The following BTNL9 variants were observed in gnomAD, a reference collection of about 807,000 sequenced individuals.
BTNL9 encodes the protein butyrophilin-like protein 9.
Under a neutral mutation model 45.8 loss-of-function variants are expected in BTNL9, and 45 were observed. That is an observed-to-expected ratio of 0.98 (90% confidence interval 0.77 to 1.26). BTNL9 has a LOEUF of 1.26. BTNL9 is among the 50% of genes most tolerant of loss of function. BTNL9 has a pLI of 0.00. For synonymous variants in BTNL9, 346 were observed against 330.8 expected (o/e 1.05, Z -0.50); for missense variants, 784 against 729.7 (o/e 1.07, Z -0.86).
At chr5:181,052,209 T>G (rs1761576503) in intron 4 of BTNL9, among the ~76,000 whole-genome samples, 1 of 152,224 alleles carries the variant, frequency 6.6e-6, no homozygotes, top group Non-Finnish European at 1.5e-5. Flanking sequence ...TGATGTCACT[T>G]ATAAGCCAGA....
In BTNL9 at chr5:181,058,363, G is replaced by A. The variant is rs373558505; in HGVS notation, c.967G>A (p.Ala323Thr). 5 of 1,614,126 alleles carry A rather than the reference G, an allele frequency of 3.1e-6. No individual in the cohort carries two copies. Among genetic ancestry groups the A allele is most frequent in the South Asian group, 1.1e-5 (1 of 91,074 alleles). ...CTGTTTGGTTTCAGAGTGGAGAGCA[G>A]CCCAAAAATATGCAGGTAACTGAAG... Reference protein sequence around the residue: ...RAEGQAEWRAAQKYAVDVTLD... With the variant: ...RAEGQAEWRATQKYAVDVTLD... The change falls in exon 10 of 11, where the codon GCC becomes ACC. Residue 323 changes from alanine (A) to threonine (T), a missense_variant. Physicochemically the swap from Ala to Thr is moderately conservative, Grantham distance 58 (BLOSUM62 0). Coordinates refer to ENST00000327705, the MANE Select transcript of BTNL9 (RefSeq NM_152547.5).
chr5:181,048,873 TATATA>T (rs202067647), intron 3 of BTNL9, among the ~76,000 whole-genome samples: 12,450 of 139,350 alleles, frequency 0.089, 770 homozygotes, highest in African/African-American at 0.13. Context: ...TTATATTAGT[TATATA>T]ATATATCATA....
rs1304843759 is a variant in BTNL9 at position 181,042,648 on chromosome 5, G to A, written c.-24+2216G>A. Reference sequence around the variant, plus strand: ...GATACCCTTGAGTGTTGGGAGCAAAGGGACCAGGTACCTGTTCCTCCTGGC... The same window carrying A: ...GATACCCTTGAGTGTTGGGAGCAAAAGGACCAGGTACCTGTTCCTCCTGGC... On this transcript the variant is annotated intron_variant, in intron 1 of 10. Transcript: ENST00000327705. The surrounding 1 kb of genome is among the most constrained non-coding windows in gnomAD (Gnocchi z 4.5). Among the ~76,000 whole-genome samples the A allele has an allele frequency of 6.6e-6, 1 of 152,130 alleles. No individual in the cohort carries two copies. The highest frequency in any genetic ancestry group is 1.5e-5 in the Non-Finnish European group (1 of 68,014).
chr5:181,056,037 C>A, intron 9 of BTNL9, 22 bp downstream of exon 9: 1 of 1,613,712 alleles, frequency 6.2e-7, no homozygotes, highest in Non-Finnish European at 8.5e-7. Flanking sequence ...CCATCTCTCT[C>A]TGACTCCTCC....
At chr5:181,056,541 G>A (rs1704038436) in intron 9 of BTNL9, 1 of 717,444 alleles carries the variant, frequency 1.4e-6, no homozygotes, top group Non-Finnish European at 2.6e-6. Flanking sequence ...ACTGCAGAGT[G>A]CTTCGTTTTA....
intron 4 of BTNL9, among the ~76,000 whole-genome samples, chr5:181,052,202 T>A (rs1761576044): frequency 6.6e-6 from 1 of 152,246 alleles, no homozygotes; most frequent in African/African-American, 2.4e-5. Flanking sequence ...AGTCCACTGA[T>A]GTCACTTATA....
At position 181,055,915 on chromosome 5, in the gene BTNL9, C is replaced by T. The variant is rs1279250068; in HGVS notation, c.929-74C>T. Reference sequence around the variant, plus strand: ...TGGGGGGTGCGGGACAGGGTGGGTGCAAGATGTGATGTGTGAGCAGGGAAG... The same window carrying T: ...TGGGGGGTGCGGGACAGGGTGGGTGTAAGATGTGATGTGTGAGCAGGGAAG... On this transcript the variant is annotated intron_variant, in intron 8 of 10. Coordinates refer to ENST00000327705, the MANE Select transcript of BTNL9 (RefSeq NM_152547.5). The surrounding 1 kb of genome is among the most constrained non-coding windows in gnomAD (Gnocchi z 4.4). 6.4e-7 allele frequency: 1 copy of T among 1,574,338 alleles called. No homozygotes were observed. The highest frequency in any genetic ancestry group is 8.7e-7 in the Non-Finnish European group (1 of 1,143,816).
intron 4 of BTNL9, among the ~76,000 whole-genome samples, chr5:181,051,078 CA>C (rs1399289272): frequency 2.5e-3 from 113 of 44,716 alleles, no homozygotes; most frequent in South Asian, 3.6e-3. Flanking sequence ...GAATCCGTCT[CA>C]AAAAAAAAAC....
rs900114661 is a variant in BTNL9, at chr5:181,045,661, C to A, written c.109+63C>A. Reference sequence around the variant, plus strand: ...GCCACCCCTCCTGCCAGGTGCTCCCCAGGGCTACGATCTTAGCACAGTACC... The same window carrying A: ...GCCACCCCTCCTGCCAGGTGCTCCCAAGGGCTACGATCTTAGCACAGTACC... On this transcript the variant is annotated intron_variant, in intron 2 of 10. Coordinates refer to ENST00000327705, the MANE Select transcript of BTNL9 (RefSeq NM_152547.5). 5.4e-6 allele frequency: 7 copies of A among 1,303,144 alleles called. No homozygotes were observed. In the African/African-American group the frequency reaches 7.3e-5, roughly 14 times the overall value. The allele number at this position is 1,303,144 out of a possible 1,614,324, so 80.7% of individuals were successfully genotyped here. A position where few individuals can be genotyped will look rare whatever the true frequency, so the allele number is the denominator to read the frequency against.
rs753155365 is a variant in BTNL9, at chr5:181,053,456, C to A, written c.854-13C>A. 3 of 1,567,582 alleles carry A rather than the reference C, an allele frequency of 1.9e-6. No individual in the cohort carries two copies. The highest frequency in any genetic ancestry group is 2.6e-6 in the Non-Finnish European group (3 of 1,156,762). The stretch of plus-strand genomic sequence containing the variant: ...GCGCGCACTCAGCCCTCTCCGCTCC[C>A]GTTTCCCTTCAGAAAAGCTGAGGAA... On this transcript the variant is annotated splice_polypyrimidine_tract_variant and intron_variant, in intron 5 of 10. Transcript: ENST00000327705. The surrounding 1 kb of genome is among the most constrained non-coding windows in gnomAD (Gnocchi z 6.5).
In BTNL9 at chr5:181,060,143, GC is replaced by G. The variant is rs956566637; in HGVS notation, c.*282del. Reference sequence around the variant, plus strand: ...CTGGGGTGCTCACGGTGGGCGGTGGGCAAGAAGCCAGCATGGAAGAAAGAAG... The same window carrying G: ...CTGGGGTGCTCACGGTGGGCGGTGGGAAGAAGCCAGCATGGAAGAAAGAAG... On this transcript the variant is annotated 3_prime_UTR_variant, in exon 11 of 11. Coordinates refer to ENST00000327705, the MANE Select transcript of BTNL9 (RefSeq NM_152547.5). 72 of 423,674 alleles carry G rather than the reference GC, an allele frequency of 1.7e-4. No individual in the cohort carries two copies. The highest frequency in any genetic ancestry group is 2.7e-4 in the Non-Finnish European group (66 of 241,336). 26.2% of individuals were successfully genotyped at this position (423,674 alleles called of 1,614,324 possible).
rs1762127931 is a variant in BTNL9 at position 181,061,343 on chromosome 5, A to T, written c.*1481A>T. The T allele has an allele frequency of 6.6e-6, 1 of 152,180 alleles. No homozygotes were observed. Among genetic ancestry groups the T allele is most frequent in the African/African-American group, 2.4e-5 (1 of 41,432 alleles). The allele number at this position is 152,180 out of a possible 1,614,324, so 9.4% of individuals were successfully genotyped here. On this transcript the variant is annotated 3_prime_UTR_variant, in exon 11 of 11. Coordinates refer to ENST00000327705, the MANE Select transcript of BTNL9 (RefSeq NM_152547.5). ...CAATGTGGCTTTGCTGTGGGTTTGA[A>T]ATTTTGCAAACTAAGAGTTGGGTGG...
In BTNL9 at chr5:181,056,035, C is replaced by A. The variant is rs974725758; in HGVS notation, c.955+20C>A. On this transcript the variant is annotated intron_variant, in intron 9 of 10. Transcript: ENST00000327705. ...AGGCTGGTGAGTGGAACCCATCTCT[C>A]TCTGACTCCTCCTCATTTATATCTG... The A allele has an allele frequency of 3.7e-6, 6 of 1,613,788 alleles. No homozygotes were observed. The highest frequency in any genetic ancestry group is 5.1e-6 in the Non-Finnish European group (6 of 1,179,746).
rs1760716004 is a variant in BTNL9 at position 181,040,390 on chromosome 5, A to C, written c.-66A>C. The C allele has an allele frequency of 6.6e-6, 1 of 152,204 alleles. No individual in the cohort carries two copies. The highest frequency in any genetic ancestry group is 2.1e-4 in the South Asian group (1 of 4,830). The allele number at this position is 152,204 out of a possible 1,614,324, so 9.4% of individuals were successfully genotyped here. A position where few individuals can be genotyped will look rare whatever the true frequency, so the allele number is the denominator to read the frequency against. On this transcript the variant is annotated 5_prime_UTR_variant, in exon 1 of 11. Coordinates refer to ENST00000327705, the MANE Select transcript of BTNL9 (RefSeq NM_152547.5). ...CCTTTGCAGAGGAGGTGAGCTCACC[A>C]GGACTCATCTGCCATTTCAGACCTT...
At chr5:181,048,769 A>AT (rs1761342274) in intron 3 of BTNL9, among the ~76,000 whole-genome samples, 1 of 63,038 alleles carries the variant, frequency 1.6e-5, no homozygotes, top group Non-Finnish European at 3.5e-5. Context: ...AGATATATAT[A>AT]GTATGCTATA....
At position 181,053,275 on chromosome 5, in the gene BTNL9, C is replaced by T. The variant is rs200246533; in HGVS notation, c.812C>T (p.Ala271Val). 10,861 of 1,584,648 alleles carry T rather than the reference C, an allele frequency of 6.9e-3. 48 individuals carry two copies. The highest frequency in any genetic ancestry group is 8.1e-3 in the Non-Finnish European group (9,425 of 1,166,994). Reference protein sequence around the residue: ...ATLPLLLVLAALALGVLRKQR... With the variant: ...ATLPLLLVLAVLALGVLRKQR... The stretch of plus-strand genomic sequence containing the variant: ...CTGCCGCTGCTGTTGGTCCTCGCGG[C>T]GCTGGCGCTGGGCGTCCTCCGGAAG... The change falls in exon 5 of 11, where the codon GCG (alanine) becomes GTG (valine). Residue 271 changes from alanine to valine, a missense_variant. Physicochemically the swap from Ala to Val is moderately conservative, Grantham distance 64. Transcript: ENST00000327705. This position sits in a 1 kb window ranked among gnomAD's most constrained non-coding sequence, Gnocchi z 6.5.
chr5:181,046,698 CGAGAGAGAGAGG>C (rs1422175790), intron 2 of BTNL9, among the ~76,000 whole-genome samples: 1 of 143,876 alleles, frequency 7.0e-6, no homozygotes, highest in African/African-American at 2.8e-5. Flanking sequence ...AGAGAGAGAG[CGAGAGAGAGAGG>C]GAGAGAGAGA....
intron 1 of BTNL9, among the ~76,000 whole-genome samples, chr5:181,044,445 G>A (rs1052768241): frequency 6.6e-6 from 1 of 152,206 alleles, no homozygotes; most frequent in Non-Finnish European, 1.5e-5. Flanking sequence ...AAGGCAAGGG[G>A]TGCAGTCCCA....
At chr5:181,045,440 C>A in intron 1 of BTNL9, 27 bp from the exon 2 acceptor site, 1 of 1,275,152 alleles carries the variant, frequency 7.8e-7, no homozygotes, top group Non-Finnish European at 1.1e-6. Flanking sequence ...TTGCACGTCG[C>A]TCCAGCACCC....
Sources: gnomAD v4.1 joint callset for allele counts (sites outside exome capture counted in the v4.1 genomes callset) on GRCh38, gnomAD v4.1.1 for gene constraint, Gnocchi (gnomAD v3.1) non-coding constraint, MANE v1.5 for transcripts, NCBI Gene and HGNC (gene_info 2026-07-23, HGNC 2026-07-21) for gene names.